Variants in LAMA5 observed in about 807,000 individuals in gnomAD.
LAMA5 encodes the protein laminin subunit alpha-5.
LAMA5 carries 260 observed loss-of-function variants against 433.4 expected under a neutral mutation model. The observed-to-expected ratio is 0.60, with a 90% CI of 0.54 to 0.66. The LOEUF (loss-of-function observed/expected upper bound fraction) is 0.66, where lower values mean the gene tolerates loss of function less well. LAMA5 is among the 30% of genes least tolerant of loss of function. LAMA5 has a pLI of 0.00. For missense variants in LAMA5, 5,378 were observed against 5,258.5 expected (o/e 1.02, Z -0.70); for synonymous variants, 2,620 against 2,226.6 (o/e 1.18, Z -4.97).
intron 52 of LAMA5, 39 bp downstream of exon 52, chr20:62,318,804 C>T (rs1987334744): frequency 1.2e-6 from 2 of 1,602,328 alleles, no homozygotes; most frequent in African/African-American, 1.3e-5. Context: ...CAGGTCCCTG[C>T]CTCTCCCCAC....
intron 31 of LAMA5, among the ~76,000 whole-genome samples, chr20:62,330,215 G>A (rs545941192): frequency 4.6e-5 from 7 of 152,376 alleles, no homozygotes; most frequent in East Asian, 1.9e-4. Context: ...TGCTGCCAGC[G>A]GCATCCTGGG....
At position 62,313,258 on chromosome 20, in the gene LAMA5, T is replaced by A. The variant is rs1367356928; in HGVS notation, c.8793-8A>T. On this transcript the variant is annotated splice_region_variant and splice_polypyrimidine_tract_variant and intron_variant, in intron 64 of 79. Transcript: ENST00000252999. ...TCCCCGGTCGACTTGGAGCTGCAGG[T>A]CGGAGATTCTGGGGTCAGCGGAGGG... 1.6e-6 allele frequency: 2 copies of A among 1,221,870 alleles called. No individual in the cohort carries two copies. The highest frequency in any genetic ancestry group is 3.8e-5 in the African/African-American group (2 of 53,002). The allele number at this position is 1,221,870 out of a possible 1,614,324, so 75.7% of individuals were successfully genotyped here.
intron 62 of LAMA5, 82 bp downstream of exon 62, chr20:62,314,222 G>T: frequency 2.7e-6 from 4 of 1,508,688 alleles, no homozygotes; most frequent in Non-Finnish European, 3.6e-6. Context: ...AGGGTGGTGG[G>T]TGCACACGGA....
At position 62,327,588 on chromosome 20, in the gene LAMA5, G is replaced by A. The variant is rs139955074; in HGVS notation, c.4879C>T (p.Arg1627Cys). The A allele has an allele frequency of 6.3e-5, 101 of 1,612,884 alleles. No individual in the cohort carries two copies. The highest frequency in any genetic ancestry group is 7.5e-5 in the Non-Finnish European group (89 of 1,180,022). ...TCCGTGGCCCCAAAGCAGAAGCAGC[G>A]GGTGCAACCTTTGGGGTTGGCAGCA... The part of the protein sequence containing the change: ...LDAANPKGCT[R>C]CFCFGATERC... The change falls in exon 37 of 80, where the codon CGC becomes TGC. Residue 1627 changes from arginine to cysteine, a missense_variant. Transcript: ENST00000252999.
chr20:62,336,783 C>T lies in LAMA5; in HGVS notation c.2168G>A (p.Gly723Asp), dbSNP rs777161508. The T allele has an allele frequency of 4.3e-6, 7 of 1,612,488 alleles. No homozygotes were observed. Among genetic ancestry groups the T allele is most frequent in the Non-Finnish European group, 5.9e-6 (7 of 1,179,950 alleles). ...GGCCAGACCGGCAGGGTGGCAAGAG[C>T]CAGCTGTGAAGAGAGGACCATGCCT... ...GAYNFPYCEA[G>D]SCHPAGLAPV... The change falls in exon 17 of 80, where the codon GGC becomes GAC. Residue 723 changes from glycine to aspartate, a missense_variant. Transcript: ENST00000252999.
Position 62,338,139 on chromosome 20 carries a change from T to C in LAMA5, c.1768A>G (p.Ser590Gly). 1.3e-6 allele frequency: 2 copies of C among 1,586,194 alleles called. No individual in the cohort carries two copies. Among genetic ancestry groups the C allele is most frequent in the Non-Finnish European group, 1.7e-6 (2 of 1,165,162 alleles). ...HFPLCQLCGC[S>G]PAGTLPEGCD... ...CCCTCGGGCAAGGTTCCTGCAGGGC[T>C]GCAGCCACACACTGCAGAGCGGAGC... Residue 590 changes from serine (S) to glycine (G), a missense_variant, in exon 14 of 80, where the codon AGC (serine) becomes GGC (glycine). Ser to Gly is a moderately conservative substitution (Grantham distance 56). Transcript: ENST00000252999.
At chr20:62,338,424 C>T (rs1982048026) in intron 12 of LAMA5, 44 bp downstream of exon 12, 1 of 1,607,536 alleles carries the variant, frequency 6.2e-7, no homozygotes, top group Non-Finnish European at 8.5e-7. Context: ...CTCAGGTGTC[C>T]ACCTCGAGCG....
intron 11 of LAMA5, among the ~76,000 whole-genome samples, chr20:62,344,787 T>C (rs1283574533): frequency 6.7e-6 from 1 of 150,174 alleles, no homozygotes; most frequent in Non-Finnish European, 1.5e-5. Flanking sequence ...TATCACAGCA[T>C]AATTAAAAAA....
rs202138773 is a variant in LAMA5, at chr20:62,338,465, C to G, written c.1618+3G>C. 5.0e-6 allele frequency: 8 copies of G among 1,607,932 alleles called. No individual in the cohort carries two copies. The highest frequency in any genetic ancestry group is 6.8e-6 in the Non-Finnish European group (8 of 1,178,286). On this transcript the variant is annotated splice_donor_region_variant and intron_variant, in intron 12 of 79. Coordinates refer to ENST00000252999, the MANE Select transcript of LAMA5 (RefSeq NM_005560.6). ...AGAGGTTGAGCGGGGAGAGGGGACT[C>G]ACGCTGGCAGCCGGGGCCGTAGAAC...
At position 62,353,140 on chromosome 20, in the gene LAMA5, A is replaced by T; in HGVS notation, c.562T>A (p.Phe188Ile). 6.4e-7 allele frequency: 1 copy of T among 1,573,346 alleles called. No homozygotes were observed. The highest frequency in any genetic ancestry group is 8.6e-7 in the Non-Finnish European group (1 of 1,159,486). The change falls in exon 3 of 80, where the codon TTT becomes ATT. Residue 188 changes from phenylalanine (F) to isoleucine (I), a missense_variant. Transcript: ENST00000252999. ...FGRTYQPWQF[F>I]ASSKRDCLER... The stretch of plus-strand genomic sequence containing the variant: ...CACGGCGGCAGAGACTCACAGGCAA[A>T]GAACTGCCAGGGCTGGTAGGTGCGG...
intron 11 of LAMA5, among the ~76,000 whole-genome samples, chr20:62,340,865 T>C (rs1386983526): frequency 6.6e-6 from 1 of 151,252 alleles, no homozygotes; most frequent in Non-Finnish European, 1.5e-5. Context: ...TAAAACCCCA[T>C]CTCTACTAAA....
rs147483139 is a variant in LAMA5, at chr20:62,318,871, A to G, written c.7014T>C (p.Ala2338=). ...TCTGTGCTGCAGCCAACTCAGCCTC[A>G]GCTGCTGCCTGCGGGGCCCCCAGGT... ...ARDLGAPQAA[A]EAELAAAQRL... The change falls in exon 52 of 80, where the codon GCT becomes GCC. Residue 2338 remains alanine, a synonymous_variant. Transcript: ENST00000252999. 4.7e-5 allele frequency: 75 copies of G among 1,609,732 alleles called. No individual in the cohort carries two copies. Among genetic ancestry groups the G allele is most frequent in the Non-Finnish European group, 1.4e-5 (17 of 1,179,286 alleles).
intron 6 of LAMA5, among the ~76,000 whole-genome samples, chr20:62,347,672 A>G (rs1310825996): frequency 2.0e-5 from 3 of 152,142 alleles, no homozygotes; most frequent in South Asian, 2.1e-4. Flanking sequence ...AGCTGGAGAG[A>G]GACAAGGCCT....
At chr20:62,353,792 G>A (rs1453293863) in intron 2 of LAMA5, among the ~76,000 whole-genome samples, 4 of 152,036 alleles carry the variant, frequency 2.6e-5, no homozygotes, top group African/African-American at 4.8e-5. Flanking sequence ...ACCTCACACC[G>A]GGCACCCCTC....
rs547465324 is a variant in LAMA5, at chr20:62,311,474, G to C, written c.9869C>G (p.Thr3290Arg). ...QQNLGSVNVS[T>R]GCAPALQAQT... ...GGCTTGCAGGGCGGGTGCACAGCCC[G>C]TGCTCACATTGACGCTGCCCAGGTT... Residue 3290 changes from threonine to arginine, a missense_variant, in exon 72 of 80, where the codon ACG (threonine) becomes AGG (arginine). Thr to Arg is a moderately conservative substitution (Grantham distance 71). Transcript: ENST00000252999. The C allele has an allele frequency of 6.2e-7, 1 of 1,609,720 alleles. No individual in the cohort carries two copies. Among genetic ancestry groups the C allele is most frequent in the Non-Finnish European group, 8.5e-7 (1 of 1,178,560 alleles).
In LAMA5 at chr20:62,323,825, G is replaced by A. The variant is rs750315166; in HGVS notation, c.5800C>T (p.Arg1934Cys). 46 of 1,609,794 alleles carry A rather than the reference G, an allele frequency of 2.9e-5. No individual in the cohort carries two copies. The highest frequency in any genetic ancestry group is 6.7e-5 in the East Asian group (3 of 44,768). The change falls in exon 44 of 80, where the codon CGC becomes TGC. Residue 1934 changes from arginine to cysteine, a missense_variant. By Grantham distance (180) the Arg-to-Cys change is radical (BLOSUM62 -3). Transcript: ENST00000252999. ...FAEGCVLRGG[R>C]TQCLCKPGYA... Reference sequence around the variant, plus strand: ...CCAGGTTTGCAGAGGCACTGGGTGCGGCCGCCTCGCAGGACACAGCCCTCG... The same window carrying A: ...CCAGGTTTGCAGAGGCACTGGGTGCAGCCGCCTCGCAGGACACAGCCCTCG...
rs764139978 is a variant in LAMA5, at chr20:62,323,441, C to A, written c.6064+15G>T. Reference sequence around the variant, plus strand: ...AACCCTCCCCAGGGTGCATCCCTCCCAGCCCGACGCCTACGGGTGCAGTTG... The same window carrying A: ...AACCCTCCCCAGGGTGCATCCCTCCAAGCCCGACGCCTACGGGTGCAGTTG... On this transcript the variant is annotated intron_variant, in intron 45 of 79. Transcript: ENST00000252999. 2.0e-6 allele frequency: 3 copies of A among 1,528,406 alleles called. No individual in the cohort carries two copies. The allele number at this position is 1,528,406 out of a possible 1,614,324, so 94.7% of individuals were successfully genotyped here. A position where few individuals can be genotyped will look rare whatever the true frequency, so the allele number is the denominator to read the frequency against.
At chr20:62,320,175 G>C (rs182028223) in intron 50 of LAMA5, among the ~76,000 whole-genome samples, 2 of 151,824 alleles carry the variant, frequency 1.3e-5, no homozygotes, top group East Asian at 3.9e-4. Context: ...AAAATTAGCT[G>C]GGCGTGGTGG....
In LAMA5 at chr20:62,346,931, T is replaced by C; in HGVS notation, c.1054A>G (p.Ser352Gly). 1 of 1,612,902 alleles carries C rather than the reference T, an allele frequency of 6.2e-7. No individual in the cohort carries two copies. Among genetic ancestry groups the C allele is most frequent in the Non-Finnish European group, 8.5e-7 (1 of 1,179,890 alleles). The change falls in exon 7 of 80, where the codon AGT (serine) becomes GGT (glycine). Residue 352 changes from serine (S) to glycine (G), a missense_variant. Transcript: ENST00000252999. ...CACTCACACTGGCACTCGTTGGCACTGTTGGCAGTCGCAGGCTTCCACGGC... is the reference window on the plus strand; with the variant it reads ...CACTCACACTGGCACTCGTTGGCACCGTTGGCAGTCGCAGGCTTCCACGGC... ...QQPWKPATAN[S>G]ANECQSCNCY... is the part of the protein sequence containing the mutation.
Sources: gnomAD v4.1 joint callset for allele counts (sites outside exome capture counted in the v4.1 genomes callset) on GRCh38, gnomAD v4.1.1 for gene constraint, MANE v1.5 for transcripts, NCBI Gene and HGNC (gene_info 2026-07-23, HGNC 2026-07-21) for gene names.